FOXP2: variants seen among roughly 807,000 people sequenced by gnomAD.
The protein encoded by FOXP2 is forkhead box P2, also known as forkhead box protein P2.
A neutral mutation model predicts 115.8 loss-of-function variants in FOXP2; 12 were observed. That is an observed-to-expected ratio of 0.10 (90% CI 0.07 to 0.17). The LOEUF is 0.17. Ranked by LOEUF, FOXP2 falls within the 10% of genes least tolerant of loss-of-function variation. The probability of loss-of-function intolerance (pLI) is 1.00; values close to 1 mark genes in which losing one functional copy is unlikely to be tolerated. For synonymous variants in FOXP2, 328 were observed against 297.7 expected, an observed-to-expected ratio of 1.10 and a Z score of -1.05; for missense variants, 629 against 843.5, an observed-to-expected ratio of 0.75 and a Z score of 3.15.
In FOXP2 at chr7:114,473,108, C is replaced by T. The variant is rs188977325; in HGVS notation, c.168+46429C>T. Among the ~76,000 whole-genome samples the T allele has an allele frequency of 7.2e-5, 11 of 152,250 alleles. No homozygotes were observed. The East Asian group carries it at 1.5e-3, about 21-fold the overall frequency. On this transcript the variant is annotated intron_variant, in intron 2 of 16. Coordinates refer to ENST00000350908, the MANE Select transcript of FOXP2 (RefSeq NM_014491.4). ...GCACTAGCTCTCTAAGTTTTATTTG[C>T]AATAATACATGTCAAGACAGGATTT...
intron 3 of FOXP2, among the ~76,000 whole-genome samples, chr7:114,537,332 GTTC>G (rs1799445700): frequency 6.6e-6 from 1 of 151,446 alleles, no homozygotes; most frequent in African/African-American, 2.4e-5. Context: ...GATTATGATG[GTTC>G]TTAATATGTC....
intron 2 of FOXP2, among the ~76,000 whole-genome samples, chr7:114,383,596 C>T (rs1224455400): frequency 6.6e-6 from 1 of 152,174 alleles, no homozygotes; most frequent in Non-Finnish European, 1.5e-5. Flanking sequence ...CAAAAGAGGT[C>T]TAGCTGTAAG....
At chr7:114,087,873 C>A (rs993960885) in intron 1 of FOXP2, 10 of 151,998 alleles carry the variant, frequency 6.6e-5, no homozygotes, top group African/African-American at 2.4e-4. Flanking sequence ...CATGGGGTGA[C>A]GCTTTGATTA....
chr7:114,241,399 AG>A (rs1318563623), intron 1 of FOXP2, among the ~76,000 whole-genome samples: 1 of 152,126 alleles, frequency 6.6e-6, no homozygotes, highest in African/African-American at 2.4e-5. Context: ...AGGTAAGGAA[AG>A]GATTGGCTAT....
At chr7:114,486,966 G>A (rs1054542572) in intron 2 of FOXP2, among the ~76,000 whole-genome samples, 2 of 152,150 alleles carry the variant, frequency 1.3e-5, no homozygotes, top group Non-Finnish European at 2.9e-5. Context: ...AACTGTCAGT[G>A]AATCTACCAC....
rs527238330 is a variant in FOXP2 at position 114,103,272 on chromosome 7, A to G, written c.-247+15434A>G. ...GCCCAGGGTGCAATTAGATTAGTGA[A>G]GTATCTGACTGGAATGGGACATTGG... On this transcript the variant is annotated intron_variant, in intron 1 of 19. Coordinates refer to the FOXP2 transcript ENST00000635638. 5.9e-5 allele frequency among the ~76,000 whole-genome samples: 9 copies of G among 152,192 alleles called. No individual in the cohort carries two copies. In the South Asian group the frequency reaches 1.7e-3, roughly 28 times the overall value.
intron 2 of FOXP2, among the ~76,000 whole-genome samples, chr7:114,469,216 A>C (rs1376807994): frequency 6.6e-6 from 1 of 152,148 alleles, no homozygotes; most frequent in Admixed American, 6.6e-5. Context: ...GTGTATGTGT[A>C]CATATATAGT....
At chr7:114,217,595 G>A (rs1794518916) in intron 1 of FOXP2, among the ~76,000 whole-genome samples, 1 of 152,138 alleles carries the variant, frequency 6.6e-6, no homozygotes, top group African/African-American at 2.4e-5. Flanking sequence ...TTAAAAGGAG[G>A]TTGATATGTC....
chr7:114,374,545 T>C (rs956135100), intron 2 of FOXP2, among the ~76,000 whole-genome samples: 3 of 152,124 alleles, frequency 2.0e-5, no homozygotes, highest in African/African-American at 4.8e-5. Context: ...AGGAAGCTTA[T>C]AATTAAATGG....
chr7:114,563,853 T>G (rs1200083106), intron 3 of FOXP2, among the ~76,000 whole-genome samples: 1 of 151,888 alleles, frequency 6.6e-6, no homozygotes, highest in East Asian at 1.9e-4. Flanking sequence ...CATCACAGTC[T>G]GCTTCCAACG....
At chr7:114,468,694 C>T (rs866079620) in intron 2 of FOXP2, among the ~76,000 whole-genome samples, 4 of 152,092 alleles carry the variant, frequency 2.6e-5, no homozygotes, top group Non-Finnish European at 5.9e-5. Flanking sequence ...GTAAGTTAGG[C>T]GTCATTCCTC....
At chr7:114,554,721 A>G (rs1289534125) in intron 3 of FOXP2, among the ~76,000 whole-genome samples, 1 of 152,208 alleles carries the variant, frequency 6.6e-6, no homozygotes, top group Non-Finnish European at 1.5e-5. Context: ...TAAACTGTCA[A>G]TAAATTAAGT....
intron 1 of FOXP2, among the ~76,000 whole-genome samples, chr7:114,180,856 T>G (rs370340154): frequency 6.6e-6 from 1 of 152,092 alleles, no homozygotes; most frequent in South Asian, 2.1e-4. Context: ...TCTTAATTGG[T>G]TTACTCAATT....
intron 3 of FOXP2, among the ~76,000 whole-genome samples, chr7:114,583,101 G>C (rs1801950326): frequency 1.3e-5 from 2 of 152,292 alleles, no homozygotes; most frequent in South Asian, 4.1e-4. Flanking sequence ...GCTTTGCCCA[G>C]GCGTGGTGGC....
chr7:114,309,800 G>A (rs1797100969), intron 2 of FOXP2, among the ~76,000 whole-genome samples: 4 of 151,346 alleles, frequency 2.6e-5, no homozygotes, highest in South Asian at 4.2e-4. Flanking sequence ...TAAAGACTGA[G>A]ACTACAGCCA....
Position 114,242,793 on chromosome 7 carries a change from C to G in FOXP2, c.-101-45226C>G, listed in dbSNP as rs190373323. ...TTGAGGTATAGCACCATTCCTGTCT[C>G]TGTATTCATCTAAATCCTCCATTTT... On this transcript the variant is annotated intron_variant, in intron 1 of 17. Coordinates refer to the FOXP2 transcript ENST00000634411. Among the ~76,000 whole-genome samples the G allele has an allele frequency of 1.3e-3, 193 of 152,298 alleles. 1 individual carries two copies. Among genetic ancestry groups the G allele is most frequent in the African/African-American group, 4.5e-3 (187 of 41,586 alleles).
intron 9 of FOXP2, chr7:114,653,228 T>A (rs757748343): frequency 1.3e-5 from 2 of 154,156 alleles, no homozygotes; most frequent in Non-Finnish European, 2.9e-5. Flanking sequence ...TATAAACCTG[T>A]TTACCATTTA....
intron 2 of FOXP2, chr7:114,297,156 T>C: frequency 2.0e-6 from 1 of 495,996 alleles, no homozygotes; most frequent in South Asian, 1.6e-5. Context: ...CCCAGAACGT[T>C]TCTCAGCTCC....
chr7:114,373,922 A>G (rs560109709), intron 2 of FOXP2, among the ~76,000 whole-genome samples: 1 of 152,204 alleles, frequency 6.6e-6, no homozygotes, highest in Admixed American at 6.5e-5. Flanking sequence ...CTGAATTTCA[A>G]AAGTATGCTT....
Sources: gnomAD v4.1 joint callset for allele counts (sites outside exome capture counted in the v4.1 genomes callset) on GRCh38, gnomAD v4.1.1 for gene constraint, MANE v1.5 for transcripts, NCBI Gene and HGNC (gene_info 2026-07-23, HGNC 2026-07-21) for gene names.